The following CRADD variants were observed in gnomAD, a reference collection of about 807,000 sequenced individuals.
CRADD encodes CARD and death domain containing adaptor protein.
In CRADD, 9 loss-of-function variants were observed where a neutral mutation model predicts 15.5. The ratio of observed to expected loss-of-function variants is 0.58; its 90% confidence interval spans 0.35 to 1.01. The LOEUF is 1.01. CRADD is among the 50% of genes least tolerant of loss of function. The pLI, the probability that CRADD is intolerant of heterozygous loss-of-function variation, is 0.02. For missense variants in CRADD, 227 were observed against 250.3 expected, an observed-to-expected ratio of 0.91 and a Z score of 0.63; for synonymous variants, 118 against 107.6, an observed-to-expected ratio of 1.10 and a Z score of -0.60.
chr12:93,717,426 T>C (rs1956181258), intron 2 of CRADD, among the ~76,000 whole-genome samples: 1 of 152,242 alleles, frequency 6.6e-6, no homozygotes, highest in African/African-American at 2.4e-5. Flanking sequence ...TTTGGTGTTA[T>C]ACCTAAAAAG....
intron 2 of CRADD, among the ~76,000 whole-genome samples, chr12:93,713,389 T>C (rs757643896): frequency 2.6e-5 from 4 of 152,120 alleles, no homozygotes; most frequent in Non-Finnish European, 5.9e-5. Flanking sequence ...GATTATAGAC[T>C]ACCATGTAAT....
chr12:93,845,580 T>A (rs1464305490), intron 2 of CRADD, among the ~76,000 whole-genome samples: 1 of 137,268 alleles, frequency 7.3e-6, no homozygotes, highest in Admixed American at 7.0e-5. Context: ...ATATATATAT[T>A]TTTAATAAAG....
intron 2 of CRADD, among the ~76,000 whole-genome samples, chr12:93,771,606 G>T (rs1045566946): frequency 1.3e-5 from 2 of 152,190 alleles, no homozygotes; most frequent in Non-Finnish European, 2.9e-5. Flanking sequence ...AGAAAACCTT[G>T]TTAAGCCTGT....
chr12:93,819,781 ATCT>A (rs1352577554), intron 2 of CRADD, among the ~76,000 whole-genome samples: 2 of 152,216 alleles, frequency 1.3e-5, no homozygotes, highest in African/African-American at 4.8e-5. Flanking sequence ...TCAGTGAAAA[ATCT>A]TCTTCAGTAT....
At chr12:93,683,650 C>G (rs1955368506) in intron 2 of CRADD, among the ~76,000 whole-genome samples, 1 of 152,242 alleles carries the variant, frequency 6.6e-6, no homozygotes, top group Non-Finnish European at 1.5e-5. Flanking sequence ...AGGGCTCTGC[C>G]TGCCCCTTGT....
chr12:93,736,130 T>G (rs1211430929), intron 2 of CRADD, among the ~76,000 whole-genome samples: 1 of 152,164 alleles, frequency 6.6e-6, no homozygotes. Flanking sequence ...TTTTTTTGCT[T>G]CTTTCCCTTT....
In CRADD at chr12:93,850,470, C is replaced by T; in HGVS notation, c.*199C>T. 2 of 1,320,828 alleles carry T rather than the reference C, an allele frequency of 1.5e-6. No individual in the cohort carries two copies. The highest frequency in any genetic ancestry group is 1.9e-6 in the Non-Finnish European group (2 of 1,041,656). The allele number at this position is 1,320,828 out of a possible 1,614,324, so 81.8% of individuals were successfully genotyped here. Reference sequence around the variant, plus strand: ...CAGCAGATCTCCCATGTTGGCTCAACAATTCTTTGTTTTTAATTGCTTGAA... The same window carrying T: ...CAGCAGATCTCCCATGTTGGCTCAATAATTCTTTGTTTTTAATTGCTTGAA... On this transcript the variant is annotated 3_prime_UTR_variant, in exon 3 of 3. Coordinates refer to ENST00000332896, the MANE Select transcript of CRADD (RefSeq NM_003805.5). The surrounding 1 kb of genome is among the most constrained non-coding windows in gnomAD (Gnocchi z 4.0).
In CRADD at chr12:93,725,764, T is replaced by G. The variant is rs368251652; in HGVS notation, c.298+46692T>G. 1.4e-4 allele frequency among the ~76,000 whole-genome samples: 22 copies of G among 152,332 alleles called. 3 individuals carry two copies. Among genetic ancestry groups the G allele is most frequent in the Admixed American group, 1.4e-3 (21 of 15,304 alleles). ...GAGATTTATTTTACCATTTAGCATG[T>G]AGAGAATTTGAATAGGAAAGTAGGT... is the stretch of plus-strand genomic sequence containing the variant. On this transcript the variant is annotated intron_variant, in intron 2 of 2. Coordinates refer to ENST00000332896, the MANE Select transcript of CRADD (RefSeq NM_003805.5).
chr12:93,731,627 G>A (rs775825299), intron 2 of CRADD, among the ~76,000 whole-genome samples: 7 of 152,162 alleles, frequency 4.6e-5, no homozygotes, highest in Admixed American at 3.9e-4. Context: ...TCAAGAAGGC[G>A]AACACCTTCT....
intron 2 of CRADD, among the ~76,000 whole-genome samples, chr12:93,713,975 A>G (rs1053597117): frequency 6.6e-6 from 1 of 152,234 alleles, no homozygotes; most frequent in Non-Finnish European, 1.5e-5. Flanking sequence ...ACTGGTGGAT[A>G]TCACTGTGCA....
At chr12:93,763,907 C>T (rs1405248102) in intron 2 of CRADD, among the ~76,000 whole-genome samples, 2 of 152,188 alleles carry the variant, frequency 1.3e-5, no homozygotes, top group Non-Finnish European at 2.9e-5. Context: ...TGCCGCCTAC[C>T]TGTGGCCTTC....
intron 2 of CRADD, among the ~76,000 whole-genome samples, chr12:93,764,639 T>C (rs1197739700): frequency 6.6e-6 from 1 of 152,128 alleles, no homozygotes; most frequent in Non-Finnish European, 1.5e-5. Flanking sequence ...CTCTGGAAAT[T>C]GACCTTCCTG....
intron 2 of CRADD, among the ~76,000 whole-genome samples, chr12:93,755,097 T>A (rs899735996): frequency 6.6e-6 from 1 of 152,070 alleles, no homozygotes. Context: ...TGAAGGGGAA[T>A]GGCCCTTTAT....
chr12:93,883,158 A>G (rs1004054318), intron 2 of CRADD, among the ~76,000 whole-genome samples: 1 of 152,240 alleles, frequency 6.6e-6, no homozygotes, highest in Non-Finnish European at 1.5e-5. Flanking sequence ...AGATCACTCT[A>G]TCATACATGC....
downstream of CRADD, among the ~76,000 whole-genome samples, chr12:93,851,435 C>T (rs537857063): frequency 6.6e-6 from 1 of 152,318 alleles, no homozygotes; most frequent in Non-Finnish European, 1.5e-5. Flanking sequence ...ACCCTCTCTA[C>T]ACCTCAGTTT....
At chr12:93,787,686 T>G (rs1400873515) in intron 2 of CRADD, among the ~76,000 whole-genome samples, 2 of 152,178 alleles carry the variant, frequency 1.3e-5, no homozygotes, top group East Asian at 3.8e-4. Context: ...AAGGATTGCC[T>G]CATAGCTGAC....
chr12:93,889,310 T>A (rs554465754), intron 2 of CRADD, among the ~76,000 whole-genome samples: 1 of 152,196 alleles, frequency 6.6e-6, no homozygotes, highest in East Asian at 1.9e-4. Flanking sequence ...ACATTTTATA[T>A]AGGACCAAGT....
chr12:93,785,743 A>T (rs945661292), intron 2 of CRADD, among the ~76,000 whole-genome samples: 1 of 152,206 alleles, frequency 6.6e-6, no homozygotes, highest in Admixed American at 6.5e-5. Flanking sequence ...CAGGCCATTA[A>T]ATCATATATA....
chr12:93,783,026 A>G (rs1259399662), intron 2 of CRADD, among the ~76,000 whole-genome samples: 1 of 152,082 alleles, frequency 6.6e-6, no homozygotes, highest in African/African-American at 2.4e-5. Context: ...CAAGTGTTCT[A>G]TTTGAGAGGC....
Sources: allele counts gnomAD v4.1 joint callset (sites outside exome capture counted in the v4.1 genomes callset), GRCh38; gene constraint gnomAD v4.1.1; non-coding constraint Gnocchi (gnomAD v3.1); transcripts MANE v1.5; gene names NCBI Gene and HGNC (gene_info 2026-07-23, HGNC 2026-07-21).